Variants in TEAD1 observed in about 807,000 individuals in gnomAD.
TEAD1 encodes the protein transcriptional enhancer factor TEF-1.
In TEAD1, 9 loss-of-function variants were observed where a neutral mutation model predicts 54.9. The ratio of observed to expected loss-of-function variants is 0.16; its 90% CI spans 0.10 to 0.29. The LOEUF (loss-of-function observed/expected upper bound fraction) is 0.29, where lower values mean the gene tolerates loss of function less well. TEAD1 is among the 10% of genes least tolerant of loss of function. The probability of loss-of-function intolerance (pLI) is 1.00; values close to 1 mark genes in which losing one functional copy is unlikely to be tolerated. For synonymous variants in TEAD1, 200 were observed against 187.8 expected (o/e 1.07, Z -0.53); for missense variants, 387 against 535.9 (o/e 0.72, Z 2.74).
intron 2 of TEAD1, among the ~76,000 whole-genome samples, chr11:12,683,555 G>A (rs1303635107): frequency 1.3e-5 from 2 of 152,216 alleles, no homozygotes; most frequent in East Asian, 3.8e-4. Flanking sequence ...TGCGGAGGAA[G>A]TGATGTTGGA....
chr11:12,885,382 C>T (rs11022531), intron 9 of TEAD1, among the ~76,000 whole-genome samples: 6,204 of 151,868 alleles, frequency 0.041, 188 homozygotes, highest in South Asian at 0.082. Flanking sequence ...ACTACAGGCG[C>T]CCGCCACTAC....
chr11:12,690,361 C>T (rs1008878634), intron 2 of TEAD1, among the ~76,000 whole-genome samples: 1 of 152,002 alleles, frequency 6.6e-6, no homozygotes, highest in African/African-American at 2.4e-5. Flanking sequence ...ATGAGGGTCC[C>T]AAACCAGATC....
intron 3 of TEAD1, among the ~76,000 whole-genome samples, chr11:12,793,163 GC>G (rs1945840794): frequency 6.6e-6 from 1 of 151,628 alleles, no homozygotes; most frequent in Non-Finnish European, 1.5e-5. Context: ...TCAACCGGTT[GC>G]CTATTTTTGA....
chr11:12,764,172 C>G lies in TEAD1; in HGVS notation c.-54-7C>G, dbSNP rs1336290343. On this transcript the variant is annotated splice_region_variant and splice_polypyrimidine_tract_variant and intron_variant, in intron 2 of 12. Coordinates refer to ENST00000527636, the MANE Select transcript of TEAD1 (RefSeq NM_021961.6). ...ATCCTTATACTGTTTTTGGTTTTCT[C>G]TTCTAGGTTTATTTTCTTGAAAAGG... 6.4e-7 allele frequency: 1 copy of G among 1,570,176 alleles called. No individual in the cohort carries two copies. The highest frequency in any genetic ancestry group is 8.6e-7 in the Non-Finnish European group (1 of 1,161,510).
intron 2 of TEAD1, among the ~76,000 whole-genome samples, chr11:12,707,114 CTTTTT>C (rs11366620): frequency 1.3e-5 from 1 of 76,270 alleles, no homozygotes; most frequent in East Asian, 4.0e-4. Context: ...ACTTGTGGGA[CTTTTT>C]TTTTTTTTTT....
In TEAD1 at chr11:12,715,648, G is replaced by T. The variant is rs111529438; in HGVS notation, c.-55+40087G>T. Among the ~76,000 whole-genome samples the T allele has an allele frequency of 3.6e-3, 546 of 152,220 alleles. 5 individuals carry two copies. The highest frequency in any genetic ancestry group is 0.012 in the African/African-American group (503 of 41,546). On this transcript the variant is annotated intron_variant, in intron 2 of 12. Transcript: ENST00000527636. ...CCTTGCAGGGGCTTTGCCAGAAGGG[G>T]TTGGGATCAGGGAGTCACTTCCTGA... is the stretch of plus-strand genomic sequence containing the variant.
intron 10 of TEAD1, among the ~76,000 whole-genome samples, chr11:12,923,476 C>A (rs1948850655): frequency 6.6e-6 from 1 of 152,152 alleles, no homozygotes; most frequent in Admixed American, 6.5e-5. Context: ...TAATTGTAAG[C>A]CTCACGAGAG....
chr11:12,699,208 C>T (rs1278674052), intron 2 of TEAD1, among the ~76,000 whole-genome samples: 2 of 152,184 alleles, frequency 1.3e-5, no homozygotes, highest in Non-Finnish European at 2.9e-5. Flanking sequence ...TGGATCCACA[C>T]ACTAAATTCA....
chr11:12,779,299 T>A (rs1945496997), intron 3 of TEAD1, among the ~76,000 whole-genome samples: 2 of 152,150 alleles, frequency 1.3e-5, no homozygotes, highest in Admixed American at 1.3e-4. Context: ...AGGGTGAGTT[T>A]CCAGGATACA....
intron 3 of TEAD1, among the ~76,000 whole-genome samples, chr11:12,839,805 G>A (rs1946985735): frequency 6.6e-6 from 1 of 152,188 alleles, no homozygotes; most frequent in Non-Finnish European, 1.5e-5. Flanking sequence ...TCTAGGTGTA[G>A]TAGGGGACTA....
intron 3 of TEAD1, among the ~76,000 whole-genome samples, chr11:12,837,773 C>T (rs1192603353): frequency 0.13 from 3,195 of 24,114 alleles, 135 homozygotes; most frequent in Middle Eastern, 0.24. Flanking sequence ...CTTCTTCCTT[C>T]TCTTCCTCTT....
At chr11:12,925,097 T>G (rs1948882896) in intron 11 of TEAD1, 45 bp downstream of exon 11, 1 of 1,610,296 alleles carries the variant, frequency 6.2e-7, no homozygotes, top group African/African-American at 1.3e-5. Context: ...AAGGGCAGAC[T>G]GTTGCCTTCC....
At chr11:12,757,146 A>G (rs562390323) in intron 2 of TEAD1, among the ~76,000 whole-genome samples, 3 of 152,246 alleles carry the variant, frequency 2.0e-5, no homozygotes, top group African/African-American at 4.8e-5. Flanking sequence ...CTCCTGGGCT[A>G]TTAGAAATCT....
At chr11:12,679,123 G>T (rs926805495) in intron 2 of TEAD1, among the ~76,000 whole-genome samples, 1 of 152,096 alleles carries the variant, frequency 6.6e-6, no homozygotes, top group African/African-American at 2.4e-5. Context: ...ATTGGATAAT[G>T]GTAGTAGTGG....
At chr11:12,844,645 C>G (rs1244792376) in intron 3 of TEAD1, among the ~76,000 whole-genome samples, 5 of 152,048 alleles carry the variant, frequency 3.3e-5, no homozygotes, top group African/African-American at 1.2e-4. Context: ...GCCAGATCAA[C>G]CCCAATATTT....
At chr11:12,892,080 T>C (rs1948208954) in intron 9 of TEAD1, among the ~76,000 whole-genome samples, 1 of 152,222 alleles carries the variant, frequency 6.6e-6, no homozygotes, top group Admixed American at 6.5e-5. Context: ...TCTGTAAATA[T>C]ATCCTGCAGA....
chr11:12,822,709 T>TA (rs1158515220), intron 3 of TEAD1: 1 of 152,218 alleles, frequency 6.6e-6, no homozygotes, highest in Non-Finnish European at 1.5e-5. Context: ...GCTCACAGGA[T>TA]AGTGTGCAGT....
chr11:12,814,572 G>C (rs550288382), intron 3 of TEAD1, among the ~76,000 whole-genome samples: 1 of 152,312 alleles, frequency 6.6e-6, no homozygotes, highest in African/African-American at 2.4e-5. Context: ...GCCATGGAAG[G>C]GAAGACCAGA....
chr11:12,780,410 A>G (rs2133947200), intron 3 of TEAD1, among the ~76,000 whole-genome samples: 1 of 152,000 alleles, frequency 6.6e-6, no homozygotes, highest in African/African-American at 2.4e-5. Flanking sequence ...TACCCAGCTA[A>G]GTTTTGTATT....
Sources: gnomAD v4.1 joint callset for allele counts (sites outside exome capture counted in the v4.1 genomes callset) on GRCh38, gnomAD v4.1.1 for gene constraint, MANE v1.5 for transcripts, NCBI Gene and HGNC (gene_info 2026-07-23, HGNC 2026-07-21) for gene names.